Variants in NGFR observed in about 807,000 individuals in gnomAD.
NGFR encodes tumor necrosis factor receptor superfamily member 16.
NGFR carries 30 observed loss-of-function variants against 43.2 expected under a neutral mutation model. The observed-to-expected ratio is 0.69, with a 90% CI of 0.52 to 0.94. The LOEUF is 0.94. Among genes scored for constraint, NGFR ranks in the 40% least tolerant of loss-of-function variants. The pLI is 0.00. For synonymous variants in NGFR, 246 were observed against 259.6 expected (o/e 0.95, Z 0.50); for missense variants, 529 against 602.5 (o/e 0.88, Z 1.28).
In NGFR at chr17:49,510,655, C is replaced by T. The variant is rs2071225872; in HGVS notation, c.812C>T (p.Ala271Val). The T allele has an allele frequency of 6.2e-7, 1 of 1,613,146 alleles. No individual in the cohort carries two copies. Among genetic ancestry groups the T allele is most frequent in the South Asian group, 1.1e-5 (1 of 91,036 alleles). ...AVVVGLVAYI[A>V]FKRWNSCKQN... ...GTTGTGGGCCTTGTGGCCTACATAG[C>T]CTTCAAGAGGTAAGAGAGGGCACGG... is the stretch of plus-strand genomic sequence containing the variant. Residue 271 changes from alanine to valine, a missense_variant, in exon 4 of 6, where the codon GCC becomes GTC. By Grantham distance (64) the Ala-to-Val change is moderately conservative (BLOSUM62 0). Transcript: ENST00000172229.
intron 2 of NGFR, among the ~76,000 whole-genome samples, chr17:49,503,378 C>A (rs1011760952): frequency 3.9e-5 from 6 of 152,216 alleles, no homozygotes; most frequent in African/African-American, 1.2e-4. Flanking sequence ...CAGTTGCTGC[C>A]TTTGGGCCGT....
Position 49,506,566 on chromosome 17 carries a change from A to G in NGFR, c.476A>G (p.Asn159Ser). Residue 159 changes from asparagine (N) to serine (S), a missense_variant, in exon 3 of 6, where the codon AAC becomes AGC. Transcript: ENST00000172229. ...CPDGTYSDEANHVDPCLPCTV... is the reference protein window; with the variant it reads ...CPDGTYSDEASHVDPCLPCTV... ...GACGGCACGTATTCCGACGAGGCCA[A>G]CCACGTGGACCCGTGCCTGCCCTGC... The G allele has an allele frequency of 1.2e-6, 2 of 1,611,190 alleles. No individual in the cohort carries two copies. The highest frequency in any genetic ancestry group is 2.2e-5 in the South Asian group (2 of 91,010).
intron 2 of NGFR, among the ~76,000 whole-genome samples, chr17:49,505,148 G>A (rs1332755950): frequency 1.4e-5 from 2 of 145,050 alleles, no homozygotes; most frequent in Non-Finnish European, 3.0e-5. Flanking sequence ...CCACACCCCC[G>A]AAGCCAGTGA....
chr17:49,501,999 A>AGGGGGGCCCCCCCCCCCCCCCCCC, intron 1 of NGFR, 64 bp from the exon 2 acceptor site: 1 of 330,984 alleles, frequency 3.0e-6, no homozygotes, highest in Non-Finnish European at 5.9e-6. Flanking sequence ...TCCCCGGAAG[A>AGGGGGGCCCCCCCCCCCCCCCCCC]ACCCCCCCCA....
intron 1 of NGFR, among the ~76,000 whole-genome samples, chr17:49,500,051 A>G (rs1159659584): frequency 1.4e-5 from 2 of 146,614 alleles, no homozygotes; most frequent in Admixed American, 1.3e-4. Flanking sequence ...GAAAAGCTAT[A>G]TTAAAAAAAA....
At chr17:49,508,691 C>A (rs2071213851) in intron 3 of NGFR, among the ~76,000 whole-genome samples, 1 of 152,178 alleles carries the variant, frequency 6.6e-6, no homozygotes, top group East Asian at 1.9e-4. Context: ...GCTGTCAGGA[C>A]CTGCCAAGGG....
intron 3 of NGFR, 151 bp downstream of exon 3, chr17:49,506,809 C>G (rs182181745): frequency 1.4e-6 from 1 of 706,898 alleles, no homozygotes; most frequent in African/African-American, 1.8e-5. Flanking sequence ...CCCTGAGCTT[C>G]AGTCCTTTCC....
In NGFR at chr17:49,513,095, T is replaced by TG. The variant is rs879366470; in HGVS notation, c.*94dup. 4.3e-4 allele frequency: 582 copies of TG among 1,347,284 alleles called. No homozygotes were observed. Among genetic ancestry groups the TG allele is most frequent in the Non-Finnish European group, 4.8e-4 (485 of 1,019,610 alleles). 83.5% of individuals were successfully genotyped at this position (1,347,284 alleles called of 1,614,324 possible). A position where few individuals can be genotyped will look rare whatever the true frequency, so the allele number is the denominator to read the frequency against. On this transcript the variant is annotated 3_prime_UTR_variant, in exon 6 of 6. Transcript: ENST00000172229. ...CTGTGGAGCCCGCACCCCCACCCTT[T>TG]GGGGGGGGCCCGCCTGGCAGAACTG...
chr17:49,501,999 A>AGGGGCCCCCCCCCCCC, intron 1 of NGFR, 64 bp from the exon 2 acceptor site: 46 of 330,938 alleles, frequency 1.4e-4, no homozygotes, highest in Non-Finnish European at 2.1e-4. Context: ...TCCCCGGAAG[A>AGGGGCCCCCCCCCCCC]ACCCCCCCCA....
chr17:49,495,641 G>A lies in NGFR; in HGVS notation c.66+158G>A. ...CTCTGATGCCGGGACCACGAAGGAG[G>A]GTCTAGGGTTCCCGGAGCGCAGAGG... On this transcript the variant is annotated intron_variant, in intron 1 of 5. Transcript: ENST00000172229. This position sits in a 1 kb window ranked among gnomAD's most constrained non-coding sequence, Gnocchi z 6.4. 1 of 636,234 alleles carries A rather than the reference G, an allele frequency of 1.6e-6. No homozygotes were observed. Among genetic ancestry groups the A allele is most frequent in the Non-Finnish European group, 2.3e-6 (1 of 442,184 alleles). The allele number at this position is 636,234 out of a possible 1,614,324, so 39.4% of individuals were successfully genotyped here. A position where few individuals can be genotyped will look rare whatever the true frequency, so the allele number is the denominator to read the frequency against.
intron 1 of NGFR, among the ~76,000 whole-genome samples, chr17:49,498,213 T>C (rs1160702264): frequency 6.6e-6 from 1 of 152,114 alleles, no homozygotes; most frequent in African/African-American, 2.4e-5. Context: ...CCCTACCTTC[T>C]AGATCATGGA....
At chr17:49,509,869 G>A (rs2071220559) in intron 3 of NGFR, among the ~76,000 whole-genome samples, 1 of 152,210 alleles carries the variant, frequency 6.6e-6, no homozygotes, top group Non-Finnish European at 1.5e-5. Context: ...TCAGGGAGGT[G>A]GTGTGGGGGA....
Position 49,510,468 on chromosome 17 carries a change from G to GCCC in NGFR, c.628_630dup (p.Pro210dup). 6.2e-7 allele frequency: 1 copy of GCCC among 1,614,064 alleles called. No homozygotes were observed. The highest frequency in any genetic ancestry group is 8.5e-7 in the Non-Finnish European group (1 of 1,180,004). Reference sequence around the variant, plus strand: ...ACCCCCAGAGGGCTCGGACAGCACAGCCCCCAGCACCCAGGAGCCTGAGGC... The same window carrying GCCC: ...ACCCCCAGAGGGCTCGGACAGCACAGCCCCCCCCAGCACCCAGGAGCCTGAGGC... On this transcript the variant is annotated inframe_insertion, in exon 4 of 6. Transcript: ENST00000172229.
At chr17:49,498,158 G>C (rs2071149328) in intron 1 of NGFR, among the ~76,000 whole-genome samples, 2 of 152,078 alleles carry the variant, frequency 1.3e-5, no homozygotes, top group Non-Finnish European at 2.9e-5. Flanking sequence ...AGGATGCTTG[G>C]CCTGGGATGT....
chr17:49,506,229 G>T, intron 2 of NGFR, 70 bp from the exon 3 acceptor site: 1 of 1,502,404 alleles, frequency 6.7e-7, no homozygotes, highest in Non-Finnish European at 8.8e-7. Context: ...AGGGGAGGGA[G>T]AGACTCCAGC....
At chr17:49,502,000 A>ACGGGG in intron 1 of NGFR, 63 bp from the exon 2 acceptor site, 1 of 264,886 alleles carries the variant, frequency 3.8e-6, no homozygotes, top group Non-Finnish European at 7.9e-6. Flanking sequence ...CCCCGGAAGA[A>ACGGGG]CCCCCCCCAA....
At chr17:49,499,736 C>T (rs1291155432) in intron 1 of NGFR, among the ~76,000 whole-genome samples, 5 of 152,038 alleles carry the variant, frequency 3.3e-5, no homozygotes, top group African/African-American at 9.7e-5. Context: ...TACAGGCGCC[C>T]GCCACCACGC....
chr17:49,501,966 G>C (rs2143427282), intron 1 of NGFR, 97 bp from the exon 2 acceptor site: 1 of 1,263,112 alleles, frequency 7.9e-7, no homozygotes, highest in Non-Finnish European at 1.1e-6. Context: ...CTAATAGAAG[G>C]CAGTGGGAGG....
At chr17:49,500,566 T>C (rs2071162053) in intron 1 of NGFR, among the ~76,000 whole-genome samples, 1 of 152,194 alleles carries the variant, frequency 6.6e-6, no homozygotes, top group Non-Finnish European at 1.5e-5. Flanking sequence ...GACCACTTCC[T>C]TGAGGAAGTG....
Sources: allele counts gnomAD v4.1 joint callset (sites outside exome capture counted in the v4.1 genomes callset), GRCh38; gene constraint gnomAD v4.1.1; non-coding constraint Gnocchi (gnomAD v3.1); transcripts MANE v1.5; gene names NCBI Gene and HGNC (gene_info 2026-07-23, HGNC 2026-07-21).